MYT1L: variants seen among roughly 807,000 people sequenced by gnomAD.
The protein encoded by MYT1L is myelin transcription factor 1-like protein.
In MYT1L, 12 loss-of-function variants were observed where a neutral mutation model predicts 126.7. The ratio of observed to expected loss-of-function variants is 0.09; its 90% confidence interval spans 0.06 to 0.15. The LOEUF (loss-of-function observed/expected upper bound fraction) is 0.15. MYT1L is among the 10% of genes least tolerant of loss of function. The probability of loss-of-function intolerance (pLI) is 1.00; values close to 1 mark genes in which losing one functional copy is unlikely to be tolerated. For missense variants in MYT1L, 979 were observed against 1,585.2 expected, an observed-to-expected ratio of 0.62 and a Z score of 6.49; for synonymous variants, 541 against 604.2, an observed-to-expected ratio of 0.90 and a Z score of 1.53.
chr2:2,085,115 A>G (rs1480801698), intron 3 of MYT1L, among the ~76,000 whole-genome samples: 1 of 152,078 alleles, frequency 6.6e-6, no homozygotes, highest in Middle Eastern at 3.2e-3. Flanking sequence ...AGGCCCTCCT[A>G]TCTGCACAGT....
Position 2,098,081 on chromosome 2 carries a change from C to T in MYT1L, c.-303-43958G>A, listed in dbSNP as rs2059035. Among the ~76,000 whole-genome samples, 852 of 152,262 alleles carry T rather than the reference C, an allele frequency of 5.6e-3. 5 individuals carry two copies. The highest frequency in any genetic ancestry group is 0.02 in the African/African-American group (815 of 41,558). The stretch of plus-strand genomic sequence containing the variant: ...AGGCCCTTACCAGGAGCATATGGTG[C>T]CATGCTTGTGCAACCTGCAGAACCA... On this transcript the variant is annotated intron_variant, in intron 3 of 24. Transcript: ENST00000647738.
intron 19 of MYT1L, among the ~76,000 whole-genome samples, chr2:1,847,410 T>G (rs557894705): frequency 6.6e-6 from 1 of 152,164 alleles, no homozygotes; most frequent in African/African-American, 2.4e-5. Flanking sequence ...GACTTCTGCA[T>G]TGGAACAACT....
At chr2:2,252,703 A>G (rs2094687107) in intron 2 of MYT1L, among the ~76,000 whole-genome samples, 1 of 152,054 alleles carries the variant, frequency 6.6e-6, no homozygotes, top group Admixed American at 6.5e-5. Context: ...ACCACCAAAG[A>G]CCACATCTCC....
intron 18 of MYT1L, among the ~76,000 whole-genome samples, chr2:1,864,373 T>C (rs2045162733): frequency 6.6e-6 from 1 of 152,130 alleles, no homozygotes; most frequent in African/African-American, 2.4e-5. Context: ...GCATCCAGTC[T>C]CCAGCAGGCC....
chr2:2,241,875 A>G (rs2094447123), intron 2 of MYT1L, among the ~76,000 whole-genome samples: 1 of 152,220 alleles, frequency 6.6e-6, no homozygotes, highest in South Asian at 2.1e-4. Flanking sequence ...ACATGAGGTA[A>G]GACTAGTGGT....
intron 8 of MYT1L, among the ~76,000 whole-genome samples, chr2:1,960,268 G>C (rs1310000673): frequency 6.6e-6 from 1 of 152,188 alleles, no homozygotes; most frequent in Non-Finnish European, 1.5e-5. Context: ...CATGGCAACT[G>C]AAGAATGCAG....
chr2:2,086,808 GCTT>G (rs1480258525), intron 3 of MYT1L, among the ~76,000 whole-genome samples: 4 of 152,068 alleles, frequency 2.6e-5, no homozygotes, highest in Non-Finnish European at 5.9e-5. Context: ...GACACCTTTG[GCTT>G]CTTCTTTTTC....
intron 3 of MYT1L, among the ~76,000 whole-genome samples, chr2:2,128,724 T>TA (rs1283966240): frequency 1.3e-5 from 2 of 152,156 alleles, no homozygotes; most frequent in African/African-American, 4.8e-5. Flanking sequence ...CCATTTCAAA[T>TA]AAAGAGTGTA....
chr2:2,199,489 C>G (rs1251993576), intron 2 of MYT1L, among the ~76,000 whole-genome samples: 1 of 152,114 alleles, frequency 6.6e-6, no homozygotes, highest in Non-Finnish European at 1.5e-5. Flanking sequence ...TCCCCCGAGT[C>G]AATGGGAGAG....
chr2:2,143,714 A>G (rs1299005886), intron 3 of MYT1L, among the ~76,000 whole-genome samples: 1 of 152,136 alleles, frequency 6.6e-6, no homozygotes, highest in African/African-American at 2.4e-5. Context: ...GCTAAAGAAA[A>G]GAGGAGCTTA....
chr2:1,951,027 T>C (rs540104911), intron 8 of MYT1L, among the ~76,000 whole-genome samples: 37 of 152,216 alleles, frequency 2.4e-4, no homozygotes, highest in African/African-American at 4.8e-4. Context: ...TGGAGGTGTG[T>C]GCACTGGTAC....
chr2:1,887,435 C>T lies in MYT1L; in HGVS notation c.2642+53G>A. The T allele has an allele frequency of 6.2e-7, 1 of 1,612,308 alleles. No individual in the cohort carries two copies. The highest frequency in any genetic ancestry group is 8.5e-7 in the Non-Finnish European group (1 of 1,178,600). ...ACAGATCCAGTTTTAAAAAATCAGCCAAAGAATGGGAAGATTAAGAAGATT... is the reference window on the plus strand; with the variant it reads ...ACAGATCCAGTTTTAAAAAATCAGCTAAAGAATGGGAAGATTAAGAAGATT... On this transcript the variant is annotated intron_variant, in intron 17 of 24. Transcript: ENST00000647738. The surrounding 1 kb of genome is among the most constrained non-coding windows in gnomAD (Gnocchi z 4.8).
chr2:1,977,471 T>C (rs1423976998), intron 8 of MYT1L, among the ~76,000 whole-genome samples: 1 of 152,208 alleles, frequency 6.6e-6, no homozygotes, highest in Non-Finnish European at 1.5e-5. Flanking sequence ...TAAAATTATA[T>C]CTAGCTCACA....
chr2:2,293,163 T>C (rs1382269201), intron 1 of MYT1L, among the ~76,000 whole-genome samples: 1 of 152,132 alleles, frequency 6.6e-6, no homozygotes, highest in African/African-American at 2.4e-5. Flanking sequence ...GTCGTTGACA[T>C]CAGGTGCCAC....
At chr2:1,944,944 G>A (rs2057059645) in intron 8 of MYT1L, among the ~76,000 whole-genome samples, 1 of 152,206 alleles carries the variant, frequency 6.6e-6, no homozygotes, top group African/African-American at 2.4e-5. Flanking sequence ...AGGCTTTCAG[G>A]AAGAGGTGAG....
At chr2:1,808,970 T>G (rs1377630478) in intron 22 of MYT1L, 106 bp downstream of exon 22, 98 of 1,005,748 alleles carry the variant, frequency 9.7e-5, no homozygotes, top group Non-Finnish European at 2.0e-5. Context: ...TGCCCCTGCT[T>G]TCTAAGAAAA....
At chr2:2,182,959 T>C (rs2091697843) in intron 2 of MYT1L, among the ~76,000 whole-genome samples, 1 of 152,142 alleles carries the variant, frequency 6.6e-6, no homozygotes, top group African/African-American at 2.4e-5. Flanking sequence ...ATGCCCACAG[T>C]GCTCAGGGTT....
At chr2:1,930,658 T>G (rs1055890783) in intron 9 of MYT1L, among the ~76,000 whole-genome samples, 1 of 152,124 alleles carries the variant, frequency 6.6e-6, no homozygotes, top group African/African-American at 2.4e-5. Context: ...GTATCTGAAT[T>G]TTGCTTTCAG....
At position 1,962,890 on chromosome 2, in the gene MYT1L, T is replaced by C. The variant is rs145692146; in HGVS notation, c.152+16275A>G. On this transcript the variant is annotated intron_variant, in intron 8 of 24. Coordinates refer to ENST00000647738, the MANE Select transcript of MYT1L (RefSeq NM_001303052.2). ...AACCCCTCAAAGTCGTCCATGAGGG[T>C]TGCAATCAATGTATTCCAAATTCTT... 8.1e-4 allele frequency among the ~76,000 whole-genome samples: 123 copies of C among 152,270 alleles called. 1 individual carries two copies. Among genetic ancestry groups the C allele is most frequent in the Non-Finnish European group, 1.6e-3 (106 of 68,018 alleles).
Sources: gnomAD v4.1 joint callset for allele counts (sites outside exome capture counted in the v4.1 genomes callset) on GRCh38, gnomAD v4.1.1 for gene constraint, Gnocchi (gnomAD v3.1) non-coding constraint, MANE v1.5 for transcripts, NCBI Gene and HGNC (gene_info 2026-07-23, HGNC 2026-07-21) for gene names.